LRMDA: variants seen among roughly 807,000 people sequenced by gnomAD.
LRMDA encodes the protein leucine rich melanocyte differentiation associated.
LRMDA carries 18 observed loss-of-function variants against 29.8 expected under a neutral mutation model. The ratio of observed to expected loss-of-function variants is 0.60; its 90% CI spans 0.42 to 0.90. The LOEUF (loss-of-function observed/expected upper bound fraction) is 0.90, where lower values mean the gene tolerates loss of function less well. Among genes scored for constraint, LRMDA ranks in the 40% least tolerant of loss-of-function variants. The pLI, the probability that LRMDA is intolerant of heterozygous loss-of-function variation, is 0.00. For missense variants in LRMDA, 273 were observed against 273.9 expected, an observed-to-expected ratio of 1.00 and a Z score of 0.02; for synonymous variants, 125 against 109.4, an observed-to-expected ratio of 1.14 and a Z score of -0.89.
chr10:76,104,046 TAA>T (rs751246540), intron 5 of LRMDA, among the ~76,000 whole-genome samples: 12 of 136,876 alleles, frequency 8.8e-5, no homozygotes, highest in Admixed American at 7.3e-5. Flanking sequence ...AGACTCTATC[TAA>T]AAAAAAAAAA....
intron 2 of LRMDA, among the ~76,000 whole-genome samples, chr10:75,558,113 A>C (rs576323231): frequency 1.5e-3 from 231 of 152,108 alleles, no homozygotes; most frequent in Non-Finnish European, 2.9e-3. Flanking sequence ...AAATGTATAC[A>C]ACTTAGAAAA....
intron 2 of LRMDA, among the ~76,000 whole-genome samples, chr10:76,031,495 C>T (rs1200744925): frequency 6.6e-6 from 1 of 152,106 alleles, no homozygotes; most frequent in East Asian, 1.9e-4. Context: ...CTGAACAGTG[C>T]TCAGTGGATG....
chr10:76,199,375 G>A (rs776463811), intron 5 of LRMDA, among the ~76,000 whole-genome samples: 1 of 152,134 alleles, frequency 6.6e-6, no homozygotes, highest in Non-Finnish European at 1.5e-5. Flanking sequence ...AGGAATTCCC[G>A]TTTCCTCCAT....
At chr10:75,911,493 G>A (rs1180162478) in intron 2 of LRMDA, among the ~76,000 whole-genome samples, 5 of 152,176 alleles carry the variant, frequency 3.3e-5, no homozygotes, top group Admixed American at 3.3e-4. Context: ...TTCTCTGGAT[G>A]TAGGTACATT....
chr10:75,624,318 T>C (rs1046194420), intron 2 of LRMDA, among the ~76,000 whole-genome samples: 4 of 152,178 alleles, frequency 2.6e-5, no homozygotes, highest in Non-Finnish European at 5.9e-5. Context: ...ATGTCACTTA[T>C]GAGATGTTGG....
chr10:76,250,546 A>C (rs948480487), intron 5 of LRMDA, among the ~76,000 whole-genome samples: 2 of 152,236 alleles, frequency 1.3e-5, no homozygotes, highest in Admixed American at 1.3e-4. Context: ...GTTTCTCATC[A>C]TGAATAGGTT....
At position 76,314,851 on chromosome 10, in the gene LRMDA, C is replaced by T. The variant is rs550519291; in HGVS notation, c.517-9550C>T. Among the ~76,000 whole-genome samples, 9 of 152,296 alleles carry T rather than the reference C, an allele frequency of 5.9e-5. No individual in the cohort carries two copies. In the South Asian group the frequency reaches 1.2e-3, roughly 21 times the overall value. On this transcript the variant is annotated intron_variant, in intron 5 of 6. Coordinates refer to ENST00000611255, the MANE Select transcript of LRMDA (RefSeq NM_001305581.2). ...ATCTGAAACACTAATTTGTCTACAT[C>T]GCACAGCTAATTCTTTCATGTATTA...
chr10:76,492,997 A>G (rs542331570), intron 6 of LRMDA, among the ~76,000 whole-genome samples: 1 of 152,008 alleles, frequency 6.6e-6, no homozygotes, highest in African/African-American at 2.4e-5. Flanking sequence ...ACTGAGTCTC[A>G]CCCAAGGTCC....
intron 2 of LRMDA, among the ~76,000 whole-genome samples, chr10:75,528,231 T>C (rs1845436631): frequency 6.6e-6 from 1 of 152,176 alleles, no homozygotes; most frequent in Non-Finnish European, 1.5e-5. Flanking sequence ...CCTCTGAAAA[T>C]ATCTCTGAAA....
intron 2 of LRMDA, among the ~76,000 whole-genome samples, chr10:75,526,906 T>C (rs897935614): frequency 6.6e-6 from 1 of 152,052 alleles, no homozygotes; most frequent in Non-Finnish European, 1.5e-5. Context: ...ATTTAAGTTA[T>C]TTTAAAGTAC....
intron 2 of LRMDA, among the ~76,000 whole-genome samples, chr10:75,477,868 C>T (rs1844814277): frequency 6.6e-6 from 1 of 152,274 alleles, no homozygotes. Flanking sequence ...ACAGAACTCC[C>T]TGTCATGCAG....
At chr10:75,695,990 G>T (rs1156776847) in intron 2 of LRMDA, among the ~76,000 whole-genome samples, 3 of 152,014 alleles carry the variant, frequency 2.0e-5, no homozygotes, top group African/African-American at 7.3e-5. Flanking sequence ...CGGGTATATG[G>T]TACCTGCTGT....
chr10:75,601,989 T>G (rs533661948), intron 2 of LRMDA, among the ~76,000 whole-genome samples: 1 of 152,336 alleles, frequency 6.6e-6, no homozygotes, highest in South Asian at 2.1e-4. Flanking sequence ...ATATCTTTTC[T>G]CCTCCAGAAT....
At chr10:76,090,420 C>T (rs969955577) in intron 5 of LRMDA, among the ~76,000 whole-genome samples, 18 of 152,204 alleles carry the variant, frequency 1.2e-4, no homozygotes, top group Middle Eastern at 3.4e-3. Flanking sequence ...TTAGAACCCT[C>T]GTGTGCTGTT....
At chr10:76,106,643 G>A (rs1457438324) in intron 5 of LRMDA, among the ~76,000 whole-genome samples, 1 of 152,146 alleles carries the variant, frequency 6.6e-6, no homozygotes, top group African/African-American at 2.4e-5. Flanking sequence ...GTGCGTGCTG[G>A]GCTTGTGATG....
At chr10:76,337,014 A>T (rs4745813) in intron 6 of LRMDA, among the ~76,000 whole-genome samples, 139,119 of 152,122 alleles carry the variant, frequency 0.91, 64,313 homozygotes, top group Non-Finnish European at 0.96. Context: ...TCAAATCAGA[A>T]AATGAAACTC....
chr10:76,224,010 A>T (rs994746863), intron 5 of LRMDA, among the ~76,000 whole-genome samples: 5 of 152,032 alleles, frequency 3.3e-5, no homozygotes, highest in Non-Finnish European at 7.4e-5. Context: ...TAGTTTCCCC[A>T]GGTATTCCTT....
intron 6 of LRMDA, among the ~76,000 whole-genome samples, chr10:76,389,003 G>A (rs566663947): frequency 6.6e-6 from 1 of 152,154 alleles, no homozygotes; most frequent in African/African-American, 2.4e-5. Flanking sequence ...CAGAAGACCT[G>A]CCTAACCCTG....
At chr10:75,508,320 T>G (rs942469345) in intron 2 of LRMDA, among the ~76,000 whole-genome samples, 19 of 152,192 alleles carry the variant, frequency 1.2e-4, no homozygotes, top group Non-Finnish European at 7.3e-5. Context: ...GAGTACGTGA[T>G]AAATCAACCA....
Sources: allele counts gnomAD v4.1 joint callset (sites outside exome capture counted in the v4.1 genomes callset), GRCh38; gene constraint gnomAD v4.1.1; transcripts MANE v1.5; gene names NCBI Gene and HGNC (gene_info 2026-07-23, HGNC 2026-07-21).